The following USP10 variants were observed in gnomAD, a reference collection of about 807,000 sequenced individuals.
USP10 encodes the protein ubiquitin carboxyl-terminal hydrolase 10.
A neutral mutation model predicts 84.5 loss-of-function variants in USP10; 22 were observed. The ratio of observed to expected loss-of-function variants is 0.26; its 90% confidence interval spans 0.19 to 0.37. USP10 has a LOEUF of 0.37. USP10 is among the 10% of genes least tolerant of loss of function. The pLI, the probability that USP10 is intolerant of heterozygous loss-of-function variation, is 1.00. For missense variants in USP10, 1,019 were observed against 998.9 expected (o/e 1.02, Z -0.27); for synonymous variants, 454 against 387.6 (o/e 1.17, Z -2.01).
chr16:84,773,036 T>C (rs1914616777), intron 12 of USP10, among the ~76,000 whole-genome samples: 1 of 152,090 alleles, frequency 6.6e-6, no homozygotes. Flanking sequence ...CCCAGTTAAG[T>C]GGTTTTTAGT....
chr16:84,707,561 C>G (rs563391326), intron 1 of USP10, among the ~76,000 whole-genome samples: 1 of 152,228 alleles, frequency 6.6e-6, no homozygotes, highest in African/African-American at 2.4e-5. Flanking sequence ...ATAATATGGT[C>G]TGTTGTATCT....
chr16:84,757,396 G>A (rs1912676343), intron 4 of USP10, among the ~76,000 whole-genome samples: 1 of 127,366 alleles, frequency 7.9e-6, no homozygotes, highest in African/African-American at 3.1e-5. Context: ...GAATGAGAGG[G>A]GTGGGGGTGT....
Position 84,772,670 on chromosome 16 carries a change from T to C in USP10, c.2128T>C (p.Leu710=), listed in dbSNP as rs1483811813. The C allele has an allele frequency of 3.1e-6, 5 of 1,613,836 alleles. No homozygotes were observed. The highest frequency in any genetic ancestry group is 4.2e-6 in the Non-Finnish European group (5 of 1,179,900). The change falls in exon 12 of 14, where the codon TTG becomes CTG. Residue 710 remains leucine, a synonymous_variant. Coordinates refer to ENST00000219473, the MANE Select transcript of USP10 (RefSeq NM_005153.3). The part of the protein sequence containing the change: ...LIKNIEYPVD[L]EISKELLSPG... ...CAAAAATATTGAATATCCTGTGGAC[T>C]TGGAAATTAGTAAAGGTAATGCATA...
chr16:84,738,992 T>C (rs1910284437), intron 2 of USP10, among the ~76,000 whole-genome samples: 1 of 152,200 alleles, frequency 6.6e-6, no homozygotes, highest in African/African-American at 2.4e-5. Flanking sequence ...AGAATGTCTT[T>C]TTGTTCTTTT....
intron 2 of USP10, among the ~76,000 whole-genome samples, chr16:84,739,461 T>G (rs1910363090): frequency 6.6e-6 from 1 of 151,902 alleles, no homozygotes; most frequent in South Asian, 2.1e-4. Context: ...TTAGTAGAGA[T>G]GGGGTTTCAC....
intron 11 of USP10, among the ~76,000 whole-genome samples, chr16:84,771,822 C>T (rs1161769447): frequency 2.0e-5 from 3 of 152,220 alleles, no homozygotes; most frequent in East Asian, 1.9e-4. Flanking sequence ...GAGCGCAGAT[C>T]GTACCACTGT....
intron 1 of USP10, among the ~76,000 whole-genome samples, chr16:84,707,526 T>TTTG (rs1289291237): frequency 5.9e-5 from 9 of 152,218 alleles, no homozygotes; most frequent in Non-Finnish European, 1.2e-4. Flanking sequence ...ACTGGAGTAT[T>TTTG]TTGTTGTTGT....
rs1180590623 is a variant in USP10, at chr16:84,771,039, A to C, written c.1999-1502A>C. Among the ~76,000 whole-genome samples, 4 of 147,618 alleles carry C rather than the reference A, an allele frequency of 2.7e-5. No homozygotes were observed. In the South Asian group the frequency reaches 6.5e-4, roughly 24 times the overall value. On this transcript the variant is annotated intron_variant, in intron 11 of 13. Transcript: ENST00000219473. ...ACCACTGCACTCCAGCCTCGATGAC[A>C]GAGCGAGACTGTCTCAAAAAAAAAA...
In USP10 at chr16:84,733,510, C is replaced by G; in HGVS notation, c.90+7C>G. ...TCCTCGATCTTCAGTTGAGGTAAGA[C>G]AAAACTTTGTTTTAGTGAGTCCGTG... On this transcript the variant is annotated splice_region_variant and intron_variant, in intron 2 of 13. Transcript: ENST00000219473. 1.9e-6 allele frequency: 3 copies of G among 1,605,644 alleles called. No homozygotes were observed. The highest frequency in any genetic ancestry group is 1.7e-6 in the Non-Finnish European group (2 of 1,176,686).
intron 1 of USP10, among the ~76,000 whole-genome samples, chr16:84,722,596 C>G (rs1011000751): frequency 3.9e-5 from 6 of 152,158 alleles, no homozygotes; most frequent in African/African-American, 1.4e-4. Flanking sequence ...GAGTCTCACT[C>G]TGTCTCCCAG....
At chr16:84,708,566 C>G (rs905976347) in intron 1 of USP10, among the ~76,000 whole-genome samples, 2 of 152,160 alleles carry the variant, frequency 1.3e-5, no homozygotes, top group African/African-American at 4.8e-5. Flanking sequence ...AGTCACCTGC[C>G]CTAGGGAATA....
In USP10 at chr16:84,709,260, G is replaced by T. The variant is rs1010303263; in HGVS notation, c.21+9149G>T. 8 of 152,246 alleles carry T rather than the reference G, an allele frequency of 5.3e-5. 1 individual carries two copies. Among genetic ancestry groups the T allele is most frequent in the Non-Finnish European group, 1.0e-4 (7 of 68,052 alleles). 9.4% of individuals were successfully genotyped at this position (152,246 alleles called of 1,614,324 possible). Reference sequence around the variant, plus strand: ...AGGAAGGGAACACAATCTGAAGTCAGAGAACCGTTCCCGTGGAAGTGACGT... The same window carrying T: ...AGGAAGGGAACACAATCTGAAGTCATAGAACCGTTCCCGTGGAAGTGACGT... On this transcript the variant is annotated intron_variant, in intron 1 of 13. Coordinates refer to ENST00000219473, the MANE Select transcript of USP10 (RefSeq NM_005153.3).
At chr16:84,757,396 GGTGGGGGTGTGTGTGTGTGTGTGT>G (rs1393236007) in intron 4 of USP10, among the ~76,000 whole-genome samples, 22 of 127,366 alleles carry the variant, frequency 1.7e-4, no homozygotes, top group African/African-American at 6.6e-4. Context: ...GAATGAGAGG[GGTGGGGGTGTGTGTGTGTGTGTGT>G]GTGTGTGTGT....
At chr16:84,758,851 T>C (rs1293408472) in intron 5 of USP10, 44 bp downstream of exon 5, 1 of 1,427,326 alleles carries the variant, frequency 7.0e-7, no homozygotes, top group Non-Finnish European at 9.9e-7. Context: ...TTGTTGCAGC[T>C]GTCCCTCCTT....
At chr16:84,764,489 C>T (rs1402050583) in intron 10 of USP10, among the ~76,000 whole-genome samples, 1 of 152,192 alleles carries the variant, frequency 6.6e-6, no homozygotes, top group South Asian at 2.1e-4. Context: ...GAGCTCCTCC[C>T]TTCTACTCTG....
intron 1 of USP10, chr16:84,709,272 C>T (rs7197843): frequency 0.52 from 79,193 of 151,984 alleles, 20,937 homozygotes; most frequent in Non-Finnish European, 0.55. Flanking sequence ...GAACCGTTCC[C>T]GTGGAAGTGA....
intron 1 of USP10, 87 bp downstream of exon 1, chr16:84,700,198 C>T (rs771588695): frequency 1.9e-6 from 2 of 1,057,670 alleles, no homozygotes; most frequent in African/African-American, 1.7e-5. Context: ...GCGCCCTGCC[C>T]GGAGCGAGCG....
At chr16:84,735,466 A>G (rs1909813204) in intron 2 of USP10, among the ~76,000 whole-genome samples, 1 of 152,164 alleles carries the variant, frequency 6.6e-6, no homozygotes, top group African/African-American at 2.4e-5. Flanking sequence ...TGCCACTTCC[A>G]CAGGCTCGGA....
chr16:84,736,964 G>A (rs7498187), intron 2 of USP10, among the ~76,000 whole-genome samples: 25,816 of 152,122 alleles, frequency 0.17, 2,527 homozygotes, highest in Middle Eastern at 0.31. Context: ...AATTTTTTGT[G>A]GTTTTAGTAG....
Sources: gnomAD v4.1 joint callset for allele counts (sites outside exome capture counted in the v4.1 genomes callset) on GRCh38, gnomAD v4.1.1 for gene constraint, MANE v1.5 for transcripts, NCBI Gene and HGNC (gene_info 2026-07-23, HGNC 2026-07-21) for gene names.